Variants in NFS1 observed in about 807,000 individuals in gnomAD.
The protein encoded by NFS1 is cysteine desulfurase.
A neutral mutation model predicts 57.3 loss-of-function variants in NFS1; 26 were observed. That is an observed-to-expected ratio of 0.45 (90% CI 0.33 to 0.63). NFS1 has a LOEUF of 0.63. Among genes scored for constraint, NFS1 ranks in the 20% least tolerant of loss-of-function variants. The pLI, the probability that NFS1 is intolerant of heterozygous loss-of-function variation, is 0.02. For synonymous variants in NFS1, 209 were observed against 216.3 expected, an observed-to-expected ratio of 0.97 and a Z score of 0.30; for missense variants, 505 against 605.8, an observed-to-expected ratio of 0.83 and a Z score of 1.75.
At chr20:35,697,552 G>C in intron 3 of NFS1, 132 bp downstream of exon 3, 1 of 598,760 alleles carries the variant, frequency 1.7e-6, no homozygotes, top group Non-Finnish European at 3.0e-6. Context: ...CTCCAAGGCT[G>C]CTCTTTGAAT....
At chr20:35,672,488 T>C (rs764086194) in intron 12 of NFS1, among the ~76,000 whole-genome samples, 20 of 152,194 alleles carry the variant, frequency 1.3e-4, no homozygotes, top group Non-Finnish European at 1.5e-4. Flanking sequence ...TGACCTCAGG[T>C]GATCTGTCCG....
rs1206404916 is a variant in NFS1 at position 35,699,034 on chromosome 20, C to T, written c.97+158G>A. Reference sequence around the variant, plus strand: ...GGGTGGTGCGCCGGGGTCAACCGTTCGGGGACCCGCCTAAGAAAGTTTGAG... The same window carrying T: ...GGGTGGTGCGCCGGGGTCAACCGTTTGGGGACCCGCCTAAGAAAGTTTGAG... On this transcript the variant is annotated intron_variant, in intron 1 of 12. Transcript: ENST00000374092. The surrounding 1 kb of genome is among the most constrained non-coding windows in gnomAD (Gnocchi z 4.4). The T allele has an allele frequency of 1.5e-6, 2 of 1,320,058 alleles. No homozygotes were observed. The highest frequency in any genetic ancestry group is 9.6e-7 in the Non-Finnish European group (1 of 1,038,008). The allele number at this position is 1,320,058 out of a possible 1,614,324, so 81.8% of individuals were successfully genotyped here. A position where few individuals can be genotyped will look rare whatever the true frequency, so the allele number is the denominator to read the frequency against.
chr20:35,674,122 G>A lies in NFS1; in HGVS notation c.1136+228C>T, dbSNP rs1488450989. On this transcript the variant is annotated intron_variant, in intron 10 of 12. Transcript: ENST00000374092. ...CCACAACAGACACATACATCCCCTG[G>A]GACGATAAAAGGCACAAAATTCTAC... The A allele has an allele frequency of 5.5e-6, 3 of 543,658 alleles. No individual in the cohort carries two copies. The African/African-American group carries it at 5.7e-5, about 10-fold the overall frequency. The allele number at this position is 543,658 out of a possible 1,614,324, so 33.7% of individuals were successfully genotyped here.
At position 35,680,750 on chromosome 20, in the gene NFS1, G is replaced by C. The variant is rs2034834108; in HGVS notation, c.777C>G (p.Ile259Met). Residue 259 changes from isoleucine (I) to methionine (M), a missense_variant, in exon 7 of 13, where the codon ATC becomes ATG. Physicochemically the swap from Ile to Met is conservative, Grantham distance 10. Coordinates refer to ENST00000374092, the MANE Select transcript of NFS1 (RefSeq NM_021100.5). ...IDLMSISGHKIYGPKGVGAIY... is the reference protein window; with the variant it reads ...IDLMSISGHKMYGPKGVGAIY... ...AGGGGCTGGTACCTTTGGGACCGTA[G>C]ATTTTGTGACCACTAATGCTCATGA... 6.4e-7 allele frequency: 1 copy of C among 1,555,716 alleles called. No individual in the cohort carries two copies. Among genetic ancestry groups the C allele is most frequent in the Admixed American group, 2.0e-5 (1 of 51,126 alleles).
intron 4 of NFS1, among the ~76,000 whole-genome samples, chr20:35,692,527 TAAAAAAAAAAAAAAAAA>T (rs61052129): frequency 4.7e-5 from 2 of 42,736 alleles, no homozygotes; most frequent in Admixed American, 3.5e-4. Flanking sequence ...TCATCTATAC[TAAAAAAAAAAAAAAAAA>T]AAAAAAAAAA....
At chr20:35,673,214 C>CA (rs1257558265) in intron 11 of NFS1, among the ~76,000 whole-genome samples, 2 of 151,564 alleles carry the variant, frequency 1.3e-5, no homozygotes, top group Non-Finnish European at 2.9e-5. Flanking sequence ...CTTGAACCTG[C>CA]AAGTCAGAGG....
At position 35,681,746 on chromosome 20, in the gene NFS1, C is replaced by G. The variant is rs775677016; in HGVS notation, c.655+142G>C. On this transcript the variant is annotated intron_variant, in intron 6 of 12. Transcript: ENST00000374092. The stretch of plus-strand genomic sequence containing the variant: ...ACCTGGATTCAAATACTGCCTATGA[C>G]ACTTCCAATGTCCTTGAACAAAGTA... 5.9e-6 allele frequency: 3 copies of G among 509,092 alleles called. No homozygotes were observed. The East Asian group carries it at 9.1e-5, about 15-fold the overall frequency. 31.5% of individuals were successfully genotyped at this position (509,092 alleles called of 1,614,324 possible). A position where few individuals can be genotyped will look rare whatever the true frequency, so the allele number is the denominator to read the frequency against.
intron 7 of NFS1, among the ~76,000 whole-genome samples, chr20:35,677,423 C>A (rs2034771475): frequency 6.6e-6 from 1 of 151,986 alleles, no homozygotes; most frequent in South Asian, 2.1e-4. Flanking sequence ...ATAGTCCCAG[C>A]TACTCTGGAG....
chr20:35,691,096 C>T (rs1314424132), intron 4 of NFS1, among the ~76,000 whole-genome samples: 1 of 152,064 alleles, frequency 6.6e-6, no homozygotes, highest in Admixed American at 6.6e-5. Flanking sequence ...ACCTTCCTTT[C>T]AATTTTGCTG....
rs1429780045 is a variant in NFS1 at position 35,672,739 on chromosome 20, G to A, written c.1310+16C>T. Reference sequence around the variant, plus strand: ...CTAGAGTTTCTTCCAAAGCGTCTCTGATACAATATGTATACCTCATTTCTC... The same window carrying A: ...CTAGAGTTTCTTCCAAAGCGTCTCTAATACAATATGTATACCTCATTTCTC... On this transcript the variant is annotated intron_variant, in intron 12 of 12. Coordinates refer to ENST00000374092, the MANE Select transcript of NFS1 (RefSeq NM_021100.5). 6.4e-7 allele frequency: 1 copy of A among 1,565,440 alleles called. No individual in the cohort carries two copies. Among genetic ancestry groups the A allele is most frequent in the African/African-American group, 1.4e-5 (1 of 73,944 alleles).
chr20:35,674,600 G>C lies in NFS1; in HGVS notation c.966C>G (p.Ile322Met). Residue 322 changes from isoleucine (I) to methionine (M), a missense_variant, in exon 9 of 13, where the codon ATC (isoleucine) becomes ATG (methionine). Transcript: ENST00000374092. ...GTATCAGCCGCTCTGACAACTTTGA[G>C]ATTCGCTTGTGGTCATACTAAGGAG... Reference protein sequence around the residue: ...QQEMEYDHKRISKLSERLIQN... With the variant: ...QQEMEYDHKRMSKLSERLIQN... 2 of 1,614,128 alleles carry C rather than the reference G, an allele frequency of 1.2e-6. No individual in the cohort carries two copies. The highest frequency in any genetic ancestry group is 1.7e-6 in the Non-Finnish European group (2 of 1,179,968).
At chr20:35,672,252 C>A (rs1477271442) in intron 12 of NFS1, among the ~76,000 whole-genome samples, 1 of 151,794 alleles carries the variant, frequency 6.6e-6, no homozygotes, top group Non-Finnish European at 1.5e-5. Context: ...GCCACTGTGC[C>A]CGGCTTTTTT....
intron 11 of NFS1, among the ~76,000 whole-genome samples, 194 bp from the exon 12 acceptor site, chr20:35,673,038 A>G (rs969686028): frequency 1.3e-5 from 2 of 152,190 alleles, no homozygotes; most frequent in Non-Finnish European, 2.9e-5. Context: ...CTGTAATTCC[A>G]ACAGTTTGGG....
At chr20:35,697,893 C>G (rs2035166317) in intron 2 of NFS1, 93 bp from the exon 3 acceptor site, 1 of 752,352 alleles carries the variant, frequency 1.3e-6, no homozygotes, top group South Asian at 1.7e-5. Context: ...CCTTAAGACA[C>G]TCTCAACCCC....
At position 35,673,010 on chromosome 20, in the gene NFS1, G is replaced by A. The variant is rs555751256; in HGVS notation, c.1221-166C>T. Among the ~76,000 whole-genome samples the A allele has an allele frequency of 5.9e-5, 9 of 152,258 alleles. No individual in the cohort carries two copies. In the South Asian group the frequency reaches 6.2e-4, roughly 11 times the overall value. ...TCAGAACATGGTATATGGATCGGCC[G>A]GGCATGGTGGCTCACGCCTGTAATT... On this transcript the variant is annotated intron_variant, in intron 11 of 12. Coordinates refer to ENST00000374092, the MANE Select transcript of NFS1 (RefSeq NM_021100.5).
At chr20:35,691,650 G>A (rs1443951713) in intron 4 of NFS1, among the ~76,000 whole-genome samples, 1 of 147,522 alleles carries the variant, frequency 6.8e-6, no homozygotes, top group Non-Finnish European at 1.5e-5. Context: ...CTGAGGGAGG[G>A]GAATCACTTG....
At chr20:35,692,020 TA>T (rs199564035) in intron 4 of NFS1, among the ~76,000 whole-genome samples, 5 of 150,902 alleles carry the variant, frequency 3.3e-5, no homozygotes, top group Non-Finnish European at 1.5e-5. Flanking sequence ...CCGTCTCTAC[TA>T]AAAAAAATAC....
intron 5 of NFS1, 44 bp from the exon 6 acceptor site, chr20:35,682,025 G>A (rs1400840608): frequency 8.6e-7 from 1 of 1,162,992 alleles, no homozygotes; most frequent in African/African-American, 1.5e-5. Context: ...TACAAACAAA[G>A]TCCTCCTAAA....
chr20:35,698,694 G>GT, intron 1 of NFS1, 104 bp from the exon 2 acceptor site: 3 of 1,452,028 alleles, frequency 2.1e-6, no homozygotes, highest in East Asian at 2.6e-5. Context: ...TGAGATAAGT[G>GT]TAAGGGATGC....
Sources: gnomAD v4.1 joint callset for allele counts (sites outside exome capture counted in the v4.1 genomes callset) on GRCh38, gnomAD v4.1.1 for gene constraint, Gnocchi (gnomAD v3.1) non-coding constraint, MANE v1.5 for transcripts, NCBI Gene and HGNC (gene_info 2026-07-23, HGNC 2026-07-21) for gene names.